Variants in TMEM59 observed in about 807,000 individuals in gnomAD.
TMEM59 encodes dendritic cell factor 1.
TMEM59 carries 44 observed loss-of-function variants against 42.2 expected under a neutral mutation model. The observed-to-expected ratio is 1.04, with a 90% CI of 0.82 to 1.34. The LOEUF is 1.34. Ranked by LOEUF, TMEM59 falls within the 40% of genes most tolerant of loss-of-function variation. The pLI is 0.00. For missense variants in TMEM59, 359 were observed against 382.8 expected (o/e 0.94, Z 0.52); for synonymous variants, 148 against 145.8 (o/e 1.02, Z -0.11).
intron 4 of TMEM59, 40 bp downstream of exon 4, chr1:54,043,330 CTGT>C (rs1390010205): frequency 7.0e-7 from 1 of 1,437,584 alleles, no homozygotes; most frequent in East Asian, 2.5e-5. Context: ...TATACATTTA[CTGT>C]TGTTAGTATT....
At chr1:54,045,366 C>T (rs1334276324) in intron 3 of TMEM59, 2 of 264,602 alleles carry the variant, frequency 7.6e-6, no homozygotes, top group Non-Finnish European at 1.4e-5. Context: ...GGCAACTGTC[C>T]AATGGGAGTT....
At position 54,041,673 on chromosome 1, in the gene TMEM59, C is replaced by T. The variant is rs376535733; in HGVS notation, c.625+51G>A. ...ACAAACATGACCAACTCTACTACAA[C>T]CAGATTTGACTGCTAATGTTTTTAT... On this transcript the variant is annotated intron_variant, in intron 5 of 7. Transcript: ENST00000234831. 35 of 1,458,420 alleles carry T rather than the reference C, an allele frequency of 2.4e-5. No homozygotes were observed. In the African/African-American group the frequency reaches 4.6e-4, roughly 19 times the overall value. The allele number at this position is 1,458,420 out of a possible 1,614,324, so 90.3% of individuals were successfully genotyped here.
At position 54,032,100 on chromosome 1, in the gene TMEM59, G is replaced by A; in HGVS notation, c.*50C>T. On this transcript the variant is annotated 3_prime_UTR_variant, in exon 8 of 8. Coordinates refer to ENST00000234831, the MANE Select transcript of TMEM59 (RefSeq NM_004872.5). ...TGAAACCATTTTAAAAGCTCTATGA[G>A]GAGTGGAATTTTAGATGTCTATTAC... 1 of 1,526,048 alleles carries A rather than the reference G, an allele frequency of 6.6e-7. No individual in the cohort carries two copies. Among genetic ancestry groups the A allele is most frequent in the Non-Finnish European group, 8.9e-7 (1 of 1,129,050 alleles). 94.5% of individuals were successfully genotyped at this position (1,526,048 alleles called of 1,614,324 possible). A position where few individuals can be genotyped will look rare whatever the true frequency, so the allele number is the denominator to read the frequency against.
chr1:54,047,649 GA>G (rs1045766297), intron 1 of TMEM59: 10 of 356,528 alleles, frequency 2.8e-5, no homozygotes, highest in African/African-American at 1.5e-4. Flanking sequence ...CTGTGGGGGG[GA>G]AAAATTAAAA....
intron 7 of TMEM59, among the ~76,000 whole-genome samples, chr1:54,032,584 C>A (rs1367971026): frequency 1.3e-5 from 2 of 152,186 alleles, no homozygotes; most frequent in African/African-American, 2.4e-5. Context: ...TGATCAAGTC[C>A]TTCAACATCT....
Position 54,053,141 on chromosome 1 carries a change from G to A in TMEM59, c.48C>T (p.Leu16=), listed in dbSNP as rs548933056. The A allele has an allele frequency of 3.1e-6, 5 of 1,614,242 alleles. No individual in the cohort carries two copies. The highest frequency in any genetic ancestry group is 1.3e-5 in the African/African-American group (1 of 75,076). ...GSLWVRTQLG[L]PPLLLLTMAL... ...CCATGGTCAGCAGCAGCAGCGGCGG[G>A]AGCCCCAGTTGGGTCCTCACCCAGA... is the stretch of plus-strand genomic sequence containing the variant. The change falls in exon 1 of 8, where the codon CTC becomes CTT. Residue 16 remains leucine (L), a synonymous_variant. Coordinates refer to ENST00000234831, the MANE Select transcript of TMEM59 (RefSeq NM_004872.5).
chr1:54,051,341 T>C (rs1657531318), intron 1 of TMEM59, among the ~76,000 whole-genome samples: 1 of 152,128 alleles, frequency 6.6e-6, no homozygotes, highest in African/African-American at 2.4e-5. Flanking sequence ...GATAATGGTA[T>C]GATAAATCTC....
intron 7 of TMEM59, 147 bp downstream of exon 7, chr1:54,036,463 A>G: frequency 1.9e-6 from 1 of 514,630 alleles, no homozygotes; most frequent in Non-Finnish European, 3.4e-6. Context: ...TGTAATTTTT[A>G]TGTGTGCCAA....
At chr1:54,052,955 T>A in intron 1 of TMEM59, 45 bp downstream of exon 1, 7 of 1,566,720 alleles carry the variant, frequency 4.5e-6, no homozygotes, top group Non-Finnish European at 6.1e-6. Flanking sequence ...AGCCGAGAAA[T>A]GGGCTGCAAG....
At chr1:54,033,795 A>T (rs969133776) in intron 7 of TMEM59, 1 of 151,916 alleles carries the variant, frequency 6.6e-6, no homozygotes, top group Admixed American at 6.6e-5. Flanking sequence ...CTGAATAAAG[A>T]GCACCTTCAA....
At chr1:54,044,996 T>C (rs895680303) in intron 3 of TMEM59, 4 of 152,234 alleles carry the variant, frequency 2.6e-5, no homozygotes, top group African/African-American at 9.7e-5. Flanking sequence ...TTTCACTATA[T>C]GTATACTCTT....
intron 1 of TMEM59, chr1:54,047,693 G>T: frequency 3.5e-6 from 1 of 285,720 alleles, no homozygotes; most frequent in Non-Finnish European, 6.6e-6. Flanking sequence ...AGGTGCAGTG[G>T]CTCACACCTG....
At chr1:54,047,599 G>C in intron 1 of TMEM59, 1 of 436,428 alleles carries the variant, frequency 2.3e-6, no homozygotes, top group Non-Finnish European at 4.0e-6. Context: ...AGCCTAGTAG[G>C]TAAAACCACC....
intron 7 of TMEM59, among the ~76,000 whole-genome samples, chr1:54,035,875 A>G (rs1232544143): frequency 6.6e-6 from 1 of 152,162 alleles, no homozygotes; most frequent in Admixed American, 6.5e-5. Context: ...AGGCTTCCCA[A>G]AGTGCTGGGA....
chr1:54,041,737 T>C lies in TMEM59; in HGVS notation c.612A>G (p.Leu204=), dbSNP rs1190354772. The C allele has an allele frequency of 6.2e-7, 1 of 1,613,516 alleles. No individual in the cohort carries two copies. The highest frequency in any genetic ancestry group is 1.7e-5 in the Admixed American group (1 of 59,972). The change falls in exon 5 of 8, where the codon CTA becomes CTG. Residue 204 remains leucine, a synonymous_variant. Transcript: ENST00000234831. ...QEPTNLRESS[L]SKMSYLQMRN... is the part of the protein sequence containing the mutation. Reference sequence around the variant, plus strand: ...AATAAAACTTACAGGACATTTTGCTTAGAGATGATTCTCTCAAATTTGTAG... The same window carrying C: ...AATAAAACTTACAGGACATTTTGCTCAGAGATGATTCTCTCAAATTTGTAG...
intron 3 of TMEM59, chr1:54,044,010 G>A (rs965500415): frequency 6.6e-5 from 10 of 152,000 alleles, no homozygotes; most frequent in African/African-American, 2.2e-4. Context: ...CAGGGTGAAG[G>A]GAGTATTTAT....
In TMEM59 at chr1:54,041,950, C is replaced by T. The variant is rs1657151755; in HGVS notation, c.544-145G>A. ...TATAAAAAATAAAACACATTAACCA[C>T]AATATATTTTAATTGCACTTCCTAA... On this transcript the variant is annotated intron_variant, in intron 4 of 7. Transcript: ENST00000234831. The T allele has an allele frequency of 7.5e-6, 4 of 534,520 alleles. No individual in the cohort carries two copies. The East Asian group carries it at 9.7e-5, about 13-fold the overall frequency. 33.1% of individuals were successfully genotyped at this position (534,520 alleles called of 1,614,324 possible). A position where few individuals can be genotyped will look rare whatever the true frequency, so the allele number is the denominator to read the frequency against.
rs142544335 is a variant in TMEM59 at position 54,052,851 on chromosome 1, G to A, written c.189+149C>T. Reference sequence around the variant, plus strand: ...GACAGCAGAAATGGGGTGCAGGCAGGATTAGGGAGGAAAACAGGAGCTACA... The same window carrying A: ...GACAGCAGAAATGGGGTGCAGGCAGAATTAGGGAGGAAAACAGGAGCTACA... On this transcript the variant is annotated intron_variant, in intron 1 of 7. Coordinates refer to ENST00000234831, the MANE Select transcript of TMEM59 (RefSeq NM_004872.5). The A allele has an allele frequency of 2.4e-5, 21 of 868,728 alleles. No individual in the cohort carries two copies. In the East Asian group the frequency reaches 4.0e-4, roughly 17 times the overall value. The allele number at this position is 868,728 out of a possible 1,614,324, so 53.8% of individuals were successfully genotyped here. A position where few individuals can be genotyped will look rare whatever the true frequency, so the allele number is the denominator to read the frequency against.
Position 54,030,441 on chromosome 1 carries a change from T to TA in TMEM59, c.*1708_*1709insT, listed in dbSNP as rs1249025379. On this transcript the variant is annotated 3_prime_UTR_variant, in exon 8 of 8. Transcript: ENST00000234831. ...GTAACTCCTATCCACTACCCATGTT[T>TA]TATATAGTCCCCATGTTTGTTTGTA... is the stretch of plus-strand genomic sequence containing the variant. 1 of 152,106 alleles carries TA rather than the reference T, an allele frequency of 6.6e-6. No individual in the cohort carries two copies. 9.4% of individuals were successfully genotyped at this position (152,106 alleles called of 1,614,324 possible). A position where few individuals can be genotyped will look rare whatever the true frequency, so the allele number is the denominator to read the frequency against.
Sources: allele counts gnomAD v4.1 joint callset (sites outside exome capture counted in the v4.1 genomes callset), GRCh38; gene constraint gnomAD v4.1.1; transcripts MANE v1.5; gene names NCBI Gene and HGNC (gene_info 2026-07-23, HGNC 2026-07-21).